TNKS2: variants seen among roughly 807,000 people sequenced by gnomAD.
TNKS2 encodes poly [ADP-ribose] polymerase tankyrase-2.
Under a neutral mutation model 137.6 loss-of-function variants are expected in TNKS2, and 72 were observed. The ratio of observed to expected loss-of-function variants is 0.52; its 90% CI spans 0.43 to 0.64. TNKS2 has a LOEUF of 0.64. TNKS2 is among the 30% of genes least tolerant of loss of function. The pLI, the probability that TNKS2 is intolerant of heterozygous loss-of-function variation, is 0.00. For missense variants in TNKS2, 1,049 were observed against 1,410.2 expected, an observed-to-expected ratio of 0.74 and a Z score of 4.10; for synonymous variants, 516 against 512.1, an observed-to-expected ratio of 1.01 and a Z score of -0.10.
intron 9 of TNKS2, among the ~76,000 whole-genome samples, chr10:91,828,889 G>A (rs1250916036): frequency 1.3e-5 from 2 of 152,062 alleles, no homozygotes; most frequent in African/African-American, 4.8e-5. Flanking sequence ...AATAACTGTG[G>A]AACTATGACA....
intron 17 of TNKS2, 47 bp downstream of exon 17, chr10:91,845,075 G>C (rs760929414): frequency 7.1e-6 from 9 of 1,260,612 alleles, no homozygotes; most frequent in Non-Finnish European, 1.0e-5. Context: ...ATTTTAAAGT[G>C]AAAGTCAGTA....
chr10:91,843,934 T>C (rs1428479693), intron 16 of TNKS2, among the ~76,000 whole-genome samples: 1 of 152,216 alleles, frequency 6.6e-6, no homozygotes, highest in Non-Finnish European at 1.5e-5. Context: ...CCAATTACTC[T>C]ATGTGTCTTT....
At chr10:91,820,083 AAAACAATCTTTG>A (rs1406211335) in intron 6 of TNKS2, 50 bp downstream of exon 6, 10 of 1,201,448 alleles carry the variant, frequency 8.3e-6, no homozygotes, top group Non-Finnish European at 1.2e-5. Context: ...CCCTCTTCTT[AAAACAATCTTTG>A]TAACCTTAGA....
At chr10:91,822,481 G>A (rs1646276521) in intron 7 of TNKS2, 119 bp downstream of exon 7, 5 of 755,760 alleles carry the variant, frequency 6.6e-6, no homozygotes, top group Non-Finnish European at 1.1e-5. Flanking sequence ...AAAAGTAGAA[G>A]TATTTATAAG....
At chr10:91,807,672 C>T (rs1035014546) in intron 1 of TNKS2, among the ~76,000 whole-genome samples, 5 of 152,174 alleles carry the variant, frequency 3.3e-5, no homozygotes, top group African/African-American at 9.7e-5. Context: ...AATTAAGATG[C>T]ACATGGCTCT....
intron 24 of TNKS2, among the ~76,000 whole-genome samples, chr10:91,857,808 ACT>A (rs1385725018): frequency 6.6e-6 from 1 of 152,008 alleles, no homozygotes; most frequent in Non-Finnish European, 1.5e-5. Context: ...GCTTATGGTC[ACT>A]CTAGGAAATT....
rs779211908 is a variant in TNKS2, at chr10:91,822,310, T to TA, written c.744dup (p.His249ThrfsTer10). Reference sequence around the variant, plus strand: ...TCTCATTGTAGTGATCTGGTACCATTACACAATGCCTGTTCTTATGGTCAT... The same window carrying TA: ...TCTCATTGTAGTGATCTGGTACCATTAACACAATGCCTGTTCTTATGGTCAT... On this transcript the variant is annotated frameshift_variant, in exon 7 of 27. Transcript: ENST00000371627. LOFTEE classifies it high-confidence loss of function. The TA allele has an allele frequency of 6.2e-7, 1 of 1,613,426 alleles. No homozygotes were observed.
chr10:91,830,419 T>G (rs938261305), intron 9 of TNKS2, among the ~76,000 whole-genome samples: 9 of 152,154 alleles, frequency 5.9e-5, no homozygotes, highest in Non-Finnish European at 1.0e-4. Context: ...GGTTTCACCA[T>G]GTTGGCCAGG....
chr10:91,815,629 A>G lies in TNKS2; in HGVS notation c.425-1505A>G, dbSNP rs79616329. On this transcript the variant is annotated intron_variant, in intron 2 of 26. Transcript: ENST00000371627. ...AAATATCTAATTTTATATTGATTAT[A>G]ATATAAATGTAAATATTGAATTTTT... Among the ~76,000 whole-genome samples, 10 of 152,268 alleles carry G rather than the reference A, an allele frequency of 6.6e-5. No individual in the cohort carries two copies. The East Asian group carries it at 1.5e-3, about 23-fold the overall frequency.
chr10:91,809,808 T>A (rs900273812), intron 1 of TNKS2, among the ~76,000 whole-genome samples: 5 of 151,934 alleles, frequency 3.3e-5, no homozygotes, highest in Admixed American at 1.3e-4. Flanking sequence ...GATCTTTCTT[T>A]AAAGAAAAAA....
At chr10:91,823,100 T>C (rs1211966301) in intron 7 of TNKS2, among the ~76,000 whole-genome samples, 1 of 151,832 alleles carries the variant, frequency 6.6e-6, no homozygotes, top group Non-Finnish European at 1.5e-5. Flanking sequence ...TTCCATAATT[T>C]ATAGCTAAAG....
chr10:91,827,001 G>T lies in TNKS2; in HGVS notation c.796-16G>T. 6.6e-7 allele frequency: 1 copy of T among 1,509,304 alleles called. No homozygotes were observed. The highest frequency in any genetic ancestry group is 8.9e-7 in the Non-Finnish European group (1 of 1,126,932). 93.5% of individuals were successfully genotyped at this position (1,509,304 alleles called of 1,614,324 possible). On this transcript the variant is annotated splice_polypyrimidine_tract_variant and intron_variant, in intron 7 of 26. Coordinates refer to ENST00000371627, the MANE Select transcript of TNKS2 (RefSeq NM_025235.4). ...TTTAAAAATTGAACATTAAATATAT[G>T]CTTTTTGCTCTCCAGCATGGTGCCT...
rs1455335371 is a variant in TNKS2, at chr10:91,862,107, T to C, written c.3390T>C (p.Ser1130=). 4.3e-6 allele frequency: 7 copies of C among 1,612,642 alleles called. No homozygotes were observed. Among genetic ancestry groups the C allele is most frequent in the Non-Finnish European group, 5.9e-6 (7 of 1,179,254 alleles). Residue 1130 remains serine, a synonymous_variant, in exon 26 of 27, where the codon AGT becomes AGC. Coordinates refer to ENST00000371627, the MANE Select transcript of TNKS2 (RefSeq NM_025235.4). ...ATCACTCAGTCACTGGTAGGCCCAGTGTAAATGGCCTAGCATTAGCTGAAT... is the reference window on the plus strand; with the variant it reads ...ATCACTCAGTCACTGGTAGGCCCAGCGTAAATGGCCTAGCATTAGCTGAAT... ...PGHHSVTGRP[S]VNGLALAEYV...
At chr10:91,850,814 A>AT (rs1225893487) in intron 20 of TNKS2, among the ~76,000 whole-genome samples, 2 of 152,202 alleles carry the variant, frequency 1.3e-5, no homozygotes, top group Non-Finnish European at 2.9e-5. Context: ...GTAAAACAGG[A>AT]TTTTAAAGAA....
intron 8 of TNKS2, 23 bp downstream of exon 8, chr10:91,827,226 T>A: frequency 6.8e-7 from 1 of 1,475,330 alleles, no homozygotes; most frequent in African/African-American, 1.4e-5. Flanking sequence ...TTATGAATGT[T>A]CAGGTAGGAT....
At chr10:91,849,901 A>G (rs1842491760) in intron 20 of TNKS2, among the ~76,000 whole-genome samples, 3 of 152,190 alleles carry the variant, frequency 2.0e-5, no homozygotes, top group African/African-American at 7.2e-5. Flanking sequence ...ACACTTTTCT[A>G]GCTGCTATGG....
At chr10:91,800,832 T>C (rs906609528) in intron 1 of TNKS2, among the ~76,000 whole-genome samples, 2 of 152,240 alleles carry the variant, frequency 1.3e-5, no homozygotes, top group Admixed American at 1.3e-4. Flanking sequence ...GAGAGAAGCT[T>C]TTTAAGTGCA....
intron 1 of TNKS2, among the ~76,000 whole-genome samples, chr10:91,800,446 T>A (rs1844128494): frequency 6.6e-6 from 1 of 152,208 alleles, no homozygotes; most frequent in African/African-American, 2.4e-5. Flanking sequence ...GGTGTATTAG[T>A]GAGTTCATAT....
intron 1 of TNKS2, among the ~76,000 whole-genome samples, chr10:91,805,210 A>G (rs893141478): frequency 3.9e-5 from 6 of 151,938 alleles, no homozygotes; most frequent in African/African-American, 1.5e-4. Flanking sequence ...CAGACTATTA[A>G]TCTACTGTCT....
Sources: gnomAD v4.1 joint callset for allele counts (sites outside exome capture counted in the v4.1 genomes callset) on GRCh38, gnomAD v4.1.1 for gene constraint, MANE v1.5 for transcripts, NCBI Gene and HGNC (gene_info 2026-07-23, HGNC 2026-07-21) for gene names.